The following EPB41L3 variants were observed in gnomAD, a reference collection of about 807,000 sequenced individuals.
The protein encoded by EPB41L3 is erythrocyte membrane protein band 4.1 like 3.
A neutral mutation model predicts 127.1 loss-of-function variants in EPB41L3; 57 were observed. That is an observed-to-expected ratio of 0.45 (90% CI 0.36 to 0.56). The LOEUF is 0.56. Among genes scored for constraint, EPB41L3 ranks in the 20% least tolerant of loss-of-function variants. The pLI is 0.00. For missense variants in EPB41L3, 1,273 were observed against 1,372.2 expected, an observed-to-expected ratio of 0.93 and a Z score of 1.14; for synonymous variants, 572 against 549.5, an observed-to-expected ratio of 1.04 and a Z score of -0.57.
chr18:5,434,586 A>G (rs1478040757), intron 6 of EPB41L3, among the ~76,000 whole-genome samples: 1 of 152,204 alleles, frequency 6.6e-6, no homozygotes, highest in Non-Finnish European at 1.5e-5. Context: ...GTCCCATGAG[A>G]TTATAATGGA....
intron 16 of EPB41L3, chr18:5,399,208 T>C (rs1034242071): frequency 9.0e-5 from 36 of 398,966 alleles, no homozygotes; most frequent in African/African-American, 6.6e-4. Context: ...TTCAGTTGCA[T>C]TTCTCGAGCC....
intron 1 of EPB41L3, among the ~76,000 whole-genome samples, chr18:5,624,522 T>C (rs1445927169): frequency 6.6e-6 from 1 of 152,230 alleles, no homozygotes; most frequent in Non-Finnish European, 1.5e-5. Flanking sequence ...ATTAGGCCAA[T>C]GTGGGTAGAG....
At chr18:5,506,605 T>G (rs551688210) in intron 1 of EPB41L3, among the ~76,000 whole-genome samples, 104 of 152,212 alleles carry the variant, frequency 6.8e-4, no homozygotes, top group Non-Finnish European at 1.9e-4. Flanking sequence ...CTTACTTTGG[T>G]TTTTACTGTC....
chr18:5,594,440 T>A (rs1193615662), intron 3 of EPB41L3, among the ~76,000 whole-genome samples: 1 of 152,170 alleles, frequency 6.6e-6, no homozygotes, highest in East Asian at 1.9e-4. Context: ...AAGAGGTACA[T>A]AAGAAAATAC....
At chr18:5,478,636 C>G (rs1446618116) in intron 2 of EPB41L3, among the ~76,000 whole-genome samples, 198 bp from the exon 3 acceptor site, 1 of 152,084 alleles carries the variant, frequency 6.6e-6, no homozygotes, top group African/African-American at 2.4e-5. Flanking sequence ...TCAATAAGGC[C>G]TTATTTCATT....
chr18:5,432,419 T>A (rs1038463487), intron 8 of EPB41L3, among the ~76,000 whole-genome samples: 2 of 152,090 alleles, frequency 1.3e-5, no homozygotes, highest in Admixed American at 1.3e-4. Flanking sequence ...CAAACACACA[T>A]CCCTAAACAG....
chr18:5,616,919 C>T (rs2094801623), intron 1 of EPB41L3, among the ~76,000 whole-genome samples: 1 of 152,056 alleles, frequency 6.6e-6, no homozygotes, highest in Non-Finnish European at 1.5e-5. Flanking sequence ...CAATTTCTTG[C>T]TATTATGGAG....
rs554835556 is a variant in EPB41L3 at position 5,450,854 on chromosome 18, T to C, written c.382-5610A>G. 2.7e-4 allele frequency among the ~76,000 whole-genome samples: 41 copies of C among 152,068 alleles called. No individual in the cohort carries two copies. The East Asian group carries it at 7.5e-3, about 28-fold the overall frequency. On this transcript the variant is annotated intron_variant, in intron 3 of 22. Coordinates refer to ENST00000341928, the MANE Select transcript of EPB41L3 (RefSeq NM_012307.5). ...GTAGATTCTCCTGTTTGCATCTTTA[T>C]GGTGTAATTTACCAGCTCTCCCAGT... is the stretch of plus-strand genomic sequence containing the variant.
At chr18:5,401,117 T>C (rs2074427281) in intron 16 of EPB41L3, 2 of 809,056 alleles carry the variant, frequency 2.5e-6, no homozygotes, top group South Asian at 3.2e-5. Context: ...AGGAAGGGAG[T>C]TCTTTCATTG....
rs1052651867 is a variant in EPB41L3, at chr18:5,598,486, T to A, written c.-306+13854A>T. Among the ~76,000 whole-genome samples, 64 of 152,314 alleles carry A rather than the reference T, an allele frequency of 4.2e-4. 2 individuals are homozygous for A. Among genetic ancestry groups the A allele is most frequent in the South Asian group, 2.1e-3 (10 of 4,826 alleles). On this transcript the variant is annotated intron_variant, in intron 3 of 21. Coordinates refer to the EPB41L3 transcript ENST00000545076. ...TTTTTAAATGAATTAATAAATATTT[T>A]AAAATATTATTAGTTTTCATGTTCA... is the stretch of plus-strand genomic sequence containing the variant.
intron 3 of EPB41L3, among the ~76,000 whole-genome samples, chr18:5,470,023 C>A (rs1270255673): frequency 6.6e-6 from 1 of 152,080 alleles, no homozygotes; most frequent in Non-Finnish European, 1.5e-5. Flanking sequence ...CGTGATCTAC[C>A]CGCCTTGGCC....
chr18:5,421,794 T>C (rs1158208044), intron 11 of EPB41L3, among the ~76,000 whole-genome samples: 1 of 152,084 alleles, frequency 6.6e-6, no homozygotes, highest in Non-Finnish European at 1.5e-5. Flanking sequence ...CAGAGTAATA[T>C]AATGGACACT....
Position 5,481,291 on chromosome 18 carries a change from C to G in EPB41L3, c.184-2853G>C, listed in dbSNP as rs529436115. Reference sequence around the variant, plus strand: ...CAAATATACAGCACAAGATTTTCACCAGCAACAACCTGGAACTCAAATATG... The same window carrying G: ...CAAATATACAGCACAAGATTTTCACGAGCAACAACCTGGAACTCAAATATG... On this transcript the variant is annotated intron_variant, in intron 2 of 22. Coordinates refer to ENST00000341928, the MANE Select transcript of EPB41L3 (RefSeq NM_012307.5). Among the ~76,000 whole-genome samples, 58 of 152,114 alleles carry G rather than the reference C, an allele frequency of 3.8e-4. 1 individual carries two copies. The highest frequency in any genetic ancestry group is 1.3e-4 in the Non-Finnish European group (9 of 68,034).
intron 2 of EPB41L3, among the ~76,000 whole-genome samples, chr18:5,482,266 G>A (rs192755209): frequency 2.6e-5 from 4 of 152,188 alleles, no homozygotes; most frequent in African/African-American, 9.6e-5. Context: ...ACAAAGCACA[G>A]GAAAGATTCA....
intron 3 of EPB41L3, among the ~76,000 whole-genome samples, chr18:5,561,033 A>C (rs186064989): frequency 2.2e-5 from 3 of 136,812 alleles, no homozygotes; most frequent in Admixed American, 2.2e-4. Flanking sequence ...GCTGGAGTGC[A>C]GTGGCGCGAT....
At chr18:5,618,225 C>T (rs2094820326) in intron 1 of EPB41L3, among the ~76,000 whole-genome samples, 1 of 152,174 alleles carries the variant, frequency 6.6e-6, no homozygotes, top group Admixed American at 6.5e-5. Context: ...AGTCTTTTCA[C>T]CCTAAGGCTA....
intron 1 of EPB41L3, among the ~76,000 whole-genome samples, chr18:5,536,460 T>G (rs2093574942): frequency 6.6e-6 from 1 of 151,008 alleles, no homozygotes; most frequent in Admixed American, 6.6e-5. Flanking sequence ...GGGTATAGAT[T>G]TGCATGCATG....
chr18:5,443,028 C>T (rs1398613410), intron 5 of EPB41L3, among the ~76,000 whole-genome samples: 1 of 152,084 alleles, frequency 6.6e-6, no homozygotes, highest in Non-Finnish European at 1.5e-5. Context: ...AATTAAGGTG[C>T]TTCTAGTTTT....
At chr18:5,587,596 C>A (rs145012862) in intron 3 of EPB41L3, among the ~76,000 whole-genome samples, 1 of 152,038 alleles carries the variant, frequency 6.6e-6, no homozygotes, top group Non-Finnish European at 1.5e-5. Context: ...GGAAGACTAT[C>A]CCAGGGAAGG....
Sources: gnomAD v4.1 joint callset for allele counts (sites outside exome capture counted in the v4.1 genomes callset) on GRCh38, gnomAD v4.1.1 for gene constraint, MANE v1.5 for transcripts, NCBI Gene and HGNC (gene_info 2026-07-23, HGNC 2026-07-21) for gene names.